GABRG3: variants seen among roughly 807,000 people sequenced by gnomAD.
The protein encoded by GABRG3 is gamma-aminobutyric acid receptor subunit gamma-3.
A neutral mutation model predicts 48.8 loss-of-function variants in GABRG3; 25 were observed. The ratio of observed to expected loss-of-function variants is 0.51; its 90% CI spans 0.37 to 0.72. The LOEUF (loss-of-function observed/expected upper bound fraction) is 0.72, where lower values mean the gene tolerates loss of function less well. Ranked by LOEUF, GABRG3 falls within the 30% of genes least tolerant of loss-of-function variation. The pLI is 0.00. For missense variants in GABRG3, 394 were observed against 577.9 expected (o/e 0.68, Z 3.26); for synonymous variants, 227 against 217.6 (o/e 1.04, Z -0.38).
chr15:27,149,915 T>C (rs1248718314), intron 3 of GABRG3, among the ~76,000 whole-genome samples: 1 of 152,206 alleles, frequency 6.6e-6, no homozygotes, highest in Non-Finnish European at 1.5e-5. Flanking sequence ...AAGCACTTGG[T>C]TTAGAATTTA....
chr15:27,285,041 A>G (rs1351347812), intron 3 of GABRG3, among the ~76,000 whole-genome samples: 4 of 152,186 alleles, frequency 2.6e-5, no homozygotes, highest in Non-Finnish European at 2.9e-5. Context: ...GATATAATAA[A>G]GAGTGTTTCC....
intron 5 of GABRG3, among the ~76,000 whole-genome samples, chr15:27,372,838 C>T (rs1050690200): frequency 6.6e-6 from 1 of 152,150 alleles, no homozygotes; most frequent in Non-Finnish European, 1.5e-5. Context: ...TCTCCCAGTC[C>T]CAGAACACTG....
chr15:27,250,098 C>T (rs918222466), intron 3 of GABRG3, among the ~76,000 whole-genome samples: 20 of 152,114 alleles, frequency 1.3e-4, no homozygotes, highest in Non-Finnish European at 2.8e-4. Context: ...CTCACCAGCC[C>T]CCACCAGGTG....
chr15:27,127,461 C>T (rs921421103), intron 3 of GABRG3, among the ~76,000 whole-genome samples: 42 of 151,230 alleles, frequency 2.8e-4, no homozygotes, highest in Admixed American at 1.7e-3. Flanking sequence ...GGGTGGGAGC[C>T]GTTTAATGTG....
intron 5 of GABRG3, among the ~76,000 whole-genome samples, chr15:27,367,695 G>A (rs539366490): frequency 3.3e-5 from 5 of 152,254 alleles, no homozygotes; most frequent in African/African-American, 9.6e-5. Context: ...TATAATATAT[G>A]TGGTGACTTT....
In GABRG3 at chr15:27,370,813, C is replaced by T. The variant is rs186823667; in HGVS notation, c.574+41925C>T. 2.0e-3 allele frequency among the ~76,000 whole-genome samples: 299 copies of T among 152,228 alleles called. 1 individual carries two copies. The highest frequency in any genetic ancestry group is 3.4e-3 in the Middle Eastern group (1 of 294). On this transcript the variant is annotated intron_variant, in intron 5 of 9. Coordinates refer to ENST00000615808, the MANE Select transcript of GABRG3 (RefSeq NM_033223.5). ...TTAACATAGAAAATATCTGGGTTTC[C>T]CATGCATGCAGATGCAATGAGTGGG...
At chr15:27,094,807 T>C (rs904723293) in intron 3 of GABRG3, among the ~76,000 whole-genome samples, 1 of 152,150 alleles carries the variant, frequency 6.6e-6, no homozygotes, top group East Asian at 1.9e-4. Context: ...TGTTAAAATT[T>C]AAAAATATAG....
chr15:27,265,947 C>G lies in GABRG3; in HGVS notation c.271-60862C>G, dbSNP rs7163239. On this transcript the variant is annotated intron_variant, in intron 3 of 9. Transcript: ENST00000615808. ...TTAGGCTGGAGTGCAATGGCAGGAT[C>G]TCGGCTCACTGCAACATCCACCTCC... is the stretch of plus-strand genomic sequence containing the variant. Among the ~76,000 whole-genome samples, 943 of 140,636 alleles carry G rather than the reference C, an allele frequency of 6.7e-3. 8 individuals carry two copies. Among genetic ancestry groups the G allele is most frequent in the African/African-American group, 0.024 (897 of 36,742 alleles). 92.3% of individuals were successfully genotyped at this position (140,636 alleles called of 152,430 possible). A position where few individuals can be genotyped will look rare whatever the true frequency, so the allele number is the denominator to read the frequency against.
At chr15:27,454,888 C>G (rs1250370631) in intron 5 of GABRG3, among the ~76,000 whole-genome samples, 1 of 152,186 alleles carries the variant, frequency 6.6e-6, no homozygotes, top group Non-Finnish European at 1.5e-5. Context: ...TCATTCAGTT[C>G]TGTACCAAAT....
At chr15:27,015,181 AT>A (rs1242276346) in intron 2 of GABRG3, among the ~76,000 whole-genome samples, 4 of 152,260 alleles carry the variant, frequency 2.6e-5, no homozygotes, top group South Asian at 4.1e-4. Flanking sequence ...TGAGTCTCTT[AT>A]AGACAGCATA....
chr15:27,489,426 T>C (rs778185928), intron 6 of GABRG3, among the ~76,000 whole-genome samples: 1 of 152,234 alleles, frequency 6.6e-6, no homozygotes, highest in Non-Finnish European at 1.5e-5. Context: ...ATGGTATTTC[T>C]GGTTCTGGAT....
At chr15:27,254,961 A>T (rs1551418) in intron 3 of GABRG3, among the ~76,000 whole-genome samples, 1 of 151,676 alleles carries the variant, frequency 6.6e-6, no homozygotes, top group Admixed American at 6.6e-5. Context: ...GGGAGGTGCA[A>T]CCACAGCCGG....
At chr15:27,106,243 C>T (rs563466145) in intron 3 of GABRG3, among the ~76,000 whole-genome samples, 1 of 152,080 alleles carries the variant, frequency 6.6e-6, no homozygotes, top group Non-Finnish European at 1.5e-5. Context: ...CTGTATTTGG[C>T]ATTCCTGGGA....
At chr15:27,333,500 C>T (rs1461068527) in intron 5 of GABRG3, among the ~76,000 whole-genome samples, 2 of 152,168 alleles carry the variant, frequency 1.3e-5, no homozygotes, top group Non-Finnish European at 2.9e-5. Context: ...TAGACCACAG[C>T]AGGAGAGCTC....
chr15:27,228,852 T>C (rs940390029), intron 3 of GABRG3, among the ~76,000 whole-genome samples: 7 of 152,356 alleles, frequency 4.6e-5, no homozygotes, highest in African/African-American at 1.4e-4. Flanking sequence ...GTTTGCTGCA[T>C]GTATGTCTTC....
chr15:27,517,921 T>C (rs1891061539), intron 6 of GABRG3, among the ~76,000 whole-genome samples: 1 of 152,170 alleles, frequency 6.6e-6, no homozygotes. Flanking sequence ...GTAAATGATA[T>C]CAAAGTTGAT....
At chr15:27,038,737 C>T (rs1451522757) in intron 3 of GABRG3, among the ~76,000 whole-genome samples, 3 of 152,190 alleles carry the variant, frequency 2.0e-5, no homozygotes, top group Admixed American at 6.5e-5. Flanking sequence ...TGCAGGGAGC[C>T]CCGCCCCAGA....
At chr15:27,463,789 G>A (rs533795967) in intron 5 of GABRG3, among the ~76,000 whole-genome samples, 3 of 152,236 alleles carry the variant, frequency 2.0e-5, no homozygotes, top group Non-Finnish European at 4.4e-5. Flanking sequence ...TAGAAGCACT[G>A]TGCAGGGGGA....
intron 3 of GABRG3, among the ~76,000 whole-genome samples, chr15:27,078,038 C>T (rs58275387): frequency 0.18 from 27,507 of 152,196 alleles, 2,610 homozygotes; most frequent in Middle Eastern, 0.25. Flanking sequence ...GACACACAGA[C>T]GGGGCTTTCC....
Sources: gnomAD v4.1 joint callset for allele counts (sites outside exome capture counted in the v4.1 genomes callset) on GRCh38, gnomAD v4.1.1 for gene constraint, MANE v1.5 for transcripts, NCBI Gene and HGNC (gene_info 2026-07-23, HGNC 2026-07-21) for gene names.